Variants in KMO observed in about 807,000 individuals in gnomAD.
KMO encodes the protein kynurenine 3-hydroxylase.
Under a neutral mutation model 57.8 loss-of-function variants are expected in KMO, and 24 were observed. That is an observed-to-expected ratio of 0.42 (90% CI 0.30 to 0.58). The LOEUF (loss-of-function observed/expected upper bound fraction) is 0.58. Among genes scored for constraint, KMO ranks in the 20% least tolerant of loss-of-function variants. The pLI, the probability that KMO is intolerant of heterozygous loss-of-function variation, is 0.22. For synonymous variants in KMO, 210 were observed against 193.6 expected (o/e 1.08, Z -0.70); for missense variants, 483 against 588.2 (o/e 0.82, Z 1.85).
intron 1 of KMO, among the ~76,000 whole-genome samples, chr1:241,541,434 T>C (rs1005611422): frequency 2.0e-5 from 3 of 152,078 alleles, no homozygotes; most frequent in African/African-American, 7.2e-5. Flanking sequence ...GGCTGAGGAA[T>C]GGGAATAAGT....
chr1:241,539,404 C>A (rs1445296658), intron 1 of KMO, among the ~76,000 whole-genome samples: 4 of 130,292 alleles, frequency 3.1e-5, no homozygotes, highest in African/African-American at 1.4e-4. Flanking sequence ...CAGAAAGCAG[C>A]AATAGCTACT....
chr1:241,591,560 C>G (rs1329713157), intron 14 of KMO, among the ~76,000 whole-genome samples: 3 of 152,210 alleles, frequency 2.0e-5, no homozygotes, highest in Non-Finnish European at 4.4e-5. Flanking sequence ...GGCCACCAGG[C>G]CACCACTCTT....
At chr1:241,572,193 A>G (rs1316552314) in intron 10 of KMO, among the ~76,000 whole-genome samples, 1 of 152,044 alleles carries the variant, frequency 6.6e-6, no homozygotes, top group East Asian at 1.9e-4. Context: ...AATGTTTTGT[A>G]GAATTCAGCA....
At chr1:241,561,973 C>A in intron 6 of KMO, 194 bp from the exon 7 acceptor site, 1 of 576,632 alleles carries the variant, frequency 1.7e-6, no homozygotes, top group Non-Finnish European at 3.1e-6. Context: ...GTGCTATTCT[C>A]ATAAGCAAAC....
intron 8 of KMO, 48 bp downstream of exon 8, chr1:241,565,106 GTTGT>G: frequency 9.4e-7 from 1 of 1,058,384 alleles, no homozygotes; most frequent in Non-Finnish European, 1.5e-6. Flanking sequence ...TGTAATTAAT[GTTGT>G]TTATTACTTA....
At chr1:241,544,578 T>C (rs1328241393) in intron 1 of KMO, among the ~76,000 whole-genome samples, 2 of 152,172 alleles carry the variant, frequency 1.3e-5, no homozygotes, top group Non-Finnish European at 2.9e-5. Context: ...GAGAAGAGCA[T>C]GTAGGATAAA....
chr1:241,593,026 C>T lies in KMO; in HGVS notation c.*873C>T, dbSNP rs982078996. ...CTGGCCTCATGTGATCTGCCCACCTCAGCCTCCCAAAGTACAGGGATTAGA... is the reference window on the plus strand; with the variant it reads ...CTGGCCTCATGTGATCTGCCCACCTTAGCCTCCCAAAGTACAGGGATTAGA... On this transcript the variant is annotated 3_prime_UTR_variant, in exon 15 of 15. Coordinates refer to ENST00000366559, the MANE Select transcript of KMO (RefSeq NM_003679.5). The T allele has an allele frequency of 1.2e-5, 2 of 169,056 alleles. No individual in the cohort carries two copies. Among genetic ancestry groups the T allele is most frequent in the Non-Finnish European group, 2.6e-5 (2 of 76,972 alleles). The allele number at this position is 169,056 out of a possible 1,614,324, so 10.5% of individuals were successfully genotyped here.
rs114528821 is a variant in KMO, at chr1:241,538,150, G to A, written c.54+5652G>A. The stretch of plus-strand genomic sequence containing the variant: ...TAATCAAGGTTCATGACTCTTCATA[G>A]GACACATGTTCAGAAAATGGTGGCA... On this transcript the variant is annotated intron_variant, in intron 1 of 14. Transcript: ENST00000366559. 4.3e-3 allele frequency among the ~76,000 whole-genome samples: 653 copies of A among 152,254 alleles called. 5 individuals carry two copies. Among genetic ancestry groups the A allele is most frequent in the African/African-American group, 0.015 (617 of 41,544 alleles).
At chr1:241,550,585 T>G (rs895614559) in intron 3 of KMO, among the ~76,000 whole-genome samples, 1 of 152,236 alleles carries the variant, frequency 6.6e-6, no homozygotes, top group Non-Finnish European at 1.5e-5. Flanking sequence ...AGCAGTCATG[T>G]GTAAGAAAAC....
chr1:241,556,303 T>A (rs913100896), intron 5 of KMO, among the ~76,000 whole-genome samples: 1 of 151,990 alleles, frequency 6.6e-6, no homozygotes, highest in African/African-American at 2.4e-5. Context: ...ACGACCAATT[T>A]TTTTACATTT....
intron 10 of KMO, among the ~76,000 whole-genome samples, chr1:241,578,933 T>TC (rs1391862136): frequency 6.6e-6 from 1 of 152,050 alleles, no homozygotes; most frequent in Non-Finnish European, 1.5e-5. Flanking sequence ...GAAAGGGTTT[T>TC]CCCTTATAAA....
chr1:241,562,467 A>G, intron 7 of KMO, 135 bp downstream of exon 7: 1 of 792,614 alleles, frequency 1.3e-6, no homozygotes, highest in Non-Finnish European at 2.1e-6. Flanking sequence ...TGTAATGAAG[A>G]ATAAATGGGA....
intron 10 of KMO, among the ~76,000 whole-genome samples, chr1:241,585,018 G>A (rs1482825479): frequency 6.6e-6 from 1 of 151,958 alleles, no homozygotes; most frequent in Non-Finnish European, 1.5e-5. Flanking sequence ...TTGAGGTCAG[G>A]AGGTTGAGGC....
intron 1 of KMO, among the ~76,000 whole-genome samples, chr1:241,539,863 C>G (rs1660897390): frequency 6.6e-6 from 1 of 152,018 alleles, no homozygotes; most frequent in Non-Finnish European, 1.5e-5. Flanking sequence ...TTTGGTGGGC[C>G]ATTTCATTAG....
rs546669064 is a variant in KMO at position 241,565,395 on chromosome 1, G to A, written c.687+337G>A. Reference sequence around the variant, plus strand: ...TATCAGGAAGTGATTCAGCCTTTAAGGTCTGTAGTACATTGGAATACGCAT... The same window carrying A: ...TATCAGGAAGTGATTCAGCCTTTAAAGTCTGTAGTACATTGGAATACGCAT... On this transcript the variant is annotated intron_variant, in intron 8 of 14. Transcript: ENST00000366559. Among the ~76,000 whole-genome samples, 5 of 152,162 alleles carry A rather than the reference G, an allele frequency of 3.3e-5. No homozygotes were observed. The South Asian group carries it at 8.3e-4, about 25-fold the overall frequency.
Position 241,588,754 on chromosome 1 carries a change from G to A in KMO, c.1022G>A (p.Cys341Tyr). The change falls in exon 12 of 15, where the codon TGT (cysteine) becomes TAT (tyrosine). Residue 341 changes from cysteine to tyrosine, a missense_variant. Cys to Tyr is a radical substitution (Grantham distance 194). Transcript: ENST00000366559. ...MDKFSNDLSL[C>Y]LPVFSRLRIP... is the part of the protein sequence containing the mutation. Reference sequence around the variant, plus strand: ...TGTATTATTTAACTTACAGGTTTGTGTCTTCCTGTGTTCTCAAGATTGAGA... The same window carrying A: ...TGTATTATTTAACTTACAGGTTTGTATCTTCCTGTGTTCTCAAGATTGAGA... The A allele has an allele frequency of 1.2e-6, 2 of 1,611,082 alleles. No individual in the cohort carries two copies. Among genetic ancestry groups the A allele is most frequent in the East Asian group, 2.2e-5 (1 of 44,782 alleles).
chr1:241,586,873 A>G, intron 11 of KMO, 137 bp downstream of exon 11: 1 of 641,322 alleles, frequency 1.6e-6, no homozygotes, highest in Non-Finnish European at 2.7e-6. Context: ...TTTTTCTACT[A>G]ATAGTCTATG....
At chr1:241,582,888 T>C (rs932575967) in intron 10 of KMO, among the ~76,000 whole-genome samples, 2 of 152,294 alleles carry the variant, frequency 1.3e-5, no homozygotes, top group South Asian at 4.1e-4. Context: ...TGTCTTCACA[T>C]TCTTGGCTTG....
chr1:241,562,324 A>G lies in KMO; in HGVS notation c.607A>G (p.Asn203Asp). ...GYMELTIPPK[N>D]GDYAMEPNYL... The stretch of plus-strand genomic sequence containing the variant: ...CATGGAGTTGACTATTCCACCTAAG[A>G]ACGGAGATGTAAGTCCTTGCCCTTT... Residue 203 changes from asparagine (N) to aspartate (D), a missense_variant, in exon 7 of 15, where the codon AAC becomes GAC. Around this residue, in one of 3 missense-constraint regions of KMO, gnomAD observed 410 missense variants for 492.3 expected, o/e 0.83. Transcript: ENST00000366559. The G allele has an allele frequency of 6.2e-7, 1 of 1,614,026 alleles. No homozygotes were observed. The highest frequency in any genetic ancestry group is 1.3e-5 in the African/African-American group (1 of 75,058).
Sources: gnomAD v4.1 joint callset for allele counts (sites outside exome capture counted in the v4.1 genomes callset) on GRCh38, gnomAD v4.1.1 for gene constraint, gnomAD v4.1.1 regional missense constraint, MANE v1.5 for transcripts, NCBI Gene and HGNC (gene_info 2026-07-23, HGNC 2026-07-21) for gene names.